Variants in C2CD2 observed in about 807,000 individuals in gnomAD.
C2CD2 encodes C2 domain-containing protein 2.
C2CD2 carries 43 observed loss-of-function variants against 74.3 expected under a neutral mutation model. The ratio of observed to expected loss-of-function variants is 0.58; its 90% CI spans 0.45 to 0.75. The LOEUF is 0.75. Ranked by LOEUF, C2CD2 falls within the 30% of genes least tolerant of loss-of-function variation. The pLI is 0.00. For missense variants in C2CD2, 801 were observed against 916.3 expected (o/e 0.87, Z 1.63); for synonymous variants, 422 against 390.7 (o/e 1.08, Z -0.94).
Position 41,899,650 on chromosome 21 carries a change from G to C in C2CD2, c.1561-288C>G, listed in dbSNP as rs1412584941. ...CTCACAGATGGGCCTAGCGGTGGGA[G>C]CGTTTGTGGCAAGCTGCAGAAATGA... is the stretch of plus-strand genomic sequence containing the variant. On this transcript the variant is annotated intron_variant, in intron 12 of 13. Transcript: ENST00000380486. The surrounding 1 kb of genome is among the most constrained non-coding windows in gnomAD (Gnocchi z 4.4). Among the ~76,000 whole-genome samples the C allele has an allele frequency of 6.6e-6, 1 of 152,230 alleles. No individual in the cohort carries two copies.
rs557355033 is a variant in C2CD2, at chr21:41,929,938, G to A, written c.379-7853C>T. 1.0e-3 allele frequency among the ~76,000 whole-genome samples: 158 copies of A among 152,328 alleles called. 2 individuals carry two copies. Among genetic ancestry groups the A allele is most frequent in the African/African-American group, 3.6e-3 (149 of 41,564 alleles). On this transcript the variant is annotated intron_variant, in intron 2 of 13. Transcript: ENST00000380486. This position sits in a 1 kb window ranked among gnomAD's most constrained non-coding sequence, Gnocchi z 4.6. Reference sequence around the variant, plus strand: ...GGAAGAACAGGCTTCTGCCTTAAGGGTACCCCTTTGCTTTTGGGGCAGAAA... The same window carrying A: ...GGAAGAACAGGCTTCTGCCTTAAGGATACCCCTTTGCTTTTGGGGCAGAAA...
intron 8 of C2CD2, 143 bp from the exon 9 acceptor site, chr21:41,907,927 T>C (rs2064983611): frequency 1.1e-5 from 9 of 818,248 alleles, no homozygotes; most frequent in South Asian, 3.0e-5. Context: ...TTCAGAATGT[T>C]TGAAAAATGT....
In C2CD2 at chr21:41,926,501, C is replaced by T. The variant is rs1031181948; in HGVS notation, c.379-4416G>A. On this transcript the variant is annotated intron_variant, in intron 2 of 13. Coordinates refer to ENST00000380486, the MANE Select transcript of C2CD2 (RefSeq NM_015500.2). This position sits in a 1 kb window ranked among gnomAD's most constrained non-coding sequence, Gnocchi z 8.0. The stretch of plus-strand genomic sequence containing the variant: ...ACTGAAGGCTGAAGAGCAGGCTGAG[C>T]GGGGAGGCCTTCATTCACCTTCTCG... The T allele has an allele frequency of 5.4e-5, 37 of 690,852 alleles. No homozygotes were observed. The highest frequency in any genetic ancestry group is 1.3e-4 in the East Asian group (1 of 7,482). The allele number at this position is 690,852 out of a possible 1,614,324, so 42.8% of individuals were successfully genotyped here.
chr21:41,944,758 C>T (rs73221446), intron 1 of C2CD2, among the ~76,000 whole-genome samples: 4,289 of 152,182 alleles, frequency 0.028, 64 homozygotes, highest in Middle Eastern at 0.051. Context: ...CCAGACCCCA[C>T]TCCACTTAGA....
At chr21:41,891,321 G>A (rs1040086816) in intron 13 of C2CD2, among the ~76,000 whole-genome samples, 5 of 152,184 alleles carry the variant, frequency 3.3e-5, no homozygotes, top group African/African-American at 9.7e-5. Context: ...AGTGAGTCAC[G>A]TCCCTGAAAA....
Position 41,926,375 on chromosome 21 carries a change from C to T in C2CD2, c.379-4290G>A. 1 of 963,184 alleles carries T rather than the reference C, an allele frequency of 1.0e-6. No homozygotes were observed. Among genetic ancestry groups the T allele is most frequent in the Non-Finnish European group, 1.2e-6 (1 of 809,796 alleles). The allele number at this position is 963,184 out of a possible 1,614,324, so 59.7% of individuals were successfully genotyped here. ...GCTATTCACGGTAAGTCAGGGTCTC[C>T]ACATGGAAAGGCCAAGGGGGGACTC... On this transcript the variant is annotated intron_variant, in intron 2 of 13. Transcript: ENST00000380486. The surrounding 1 kb of genome is among the most constrained non-coding windows in gnomAD (Gnocchi z 8.0).
At chr21:41,897,608 G>A (rs1183003489) in intron 13 of C2CD2, among the ~76,000 whole-genome samples, 1 of 152,154 alleles carries the variant, frequency 6.6e-6, no homozygotes, top group Non-Finnish European at 1.5e-5. Flanking sequence ...AGAGTCCAAC[G>A]GGTCTGAAAT....
At chr21:41,943,541 G>C (rs1769700258) in intron 1 of C2CD2, among the ~76,000 whole-genome samples, 1 of 152,056 alleles carries the variant, frequency 6.6e-6, no homozygotes, top group African/African-American at 2.4e-5. Context: ...GCTCCGACTG[G>C]GTGGTTAAAA....
rs1159358221 is a variant in C2CD2, at chr21:41,924,734, T to C, written c.379-2649A>G. Among the ~76,000 whole-genome samples, 1 of 152,160 alleles carries C rather than the reference T, an allele frequency of 6.6e-6. No homozygotes were observed. Among genetic ancestry groups the C allele is most frequent in the Non-Finnish European group, 1.5e-5 (1 of 68,028 alleles). On this transcript the variant is annotated intron_variant, in intron 2 of 13. Coordinates refer to ENST00000380486, the MANE Select transcript of C2CD2 (RefSeq NM_015500.2). The surrounding 1 kb of genome is among the most constrained non-coding windows in gnomAD (Gnocchi z 4.4). ...AAAAATAAATTTAAAAACCCAACCC[T>C]GACTCTGAGCACTGCATAATTCCTC...
rs752813917 is a variant in C2CD2, at chr21:41,887,707, C to T, written c.*1417G>A. On this transcript the variant is annotated 3_prime_UTR_variant, in exon 14 of 14. Coordinates refer to ENST00000380486, the MANE Select transcript of C2CD2 (RefSeq NM_015500.2). The stretch of plus-strand genomic sequence containing the variant: ...TACTCACCAGTGGCTCTATTACCCC[C>T]GAAATATTTAATGTTTAAGGATTAA... 22 of 152,226 alleles carry T rather than the reference C, an allele frequency of 1.4e-4. No homozygotes were observed. Among genetic ancestry groups the T allele is most frequent in the South Asian group, 4.2e-4 (2 of 4,818 alleles). 9.4% of individuals were successfully genotyped at this position (152,226 alleles called of 1,614,324 possible).
chr21:41,953,461 A>G lies in C2CD2; in HGVS notation c.188T>C (p.Leu63Pro). The stretch of plus-strand genomic sequence containing the variant: ...GCCCAGCGTCAGGATCCAGGAGAGC[A>G]GCGCGTCGGACCCCGGGCGCGGCCC... Reference protein sequence around the residue: ...GEGPRPGSDALLSWILTLGSW... With the variant: ...GEGPRPGSDAPLSWILTLGSW... The change falls in exon 1 of 14, where the codon CTG becomes CCG. Residue 63 changes from leucine (L) to proline (P), a missense_variant. Transcript: ENST00000380486. The G allele has an allele frequency of 6.7e-7, 1 of 1,488,456 alleles. No homozygotes were observed. The allele number at this position is 1,488,456 out of a possible 1,614,324, so 92.2% of individuals were successfully genotyped here. A position where few individuals can be genotyped will look rare whatever the true frequency, so the allele number is the denominator to read the frequency against.
chr21:41,891,813 T>C (rs1475189008), intron 13 of C2CD2, among the ~76,000 whole-genome samples: 1 of 151,712 alleles, frequency 6.6e-6, no homozygotes, highest in East Asian at 1.9e-4. Flanking sequence ...ACCCACCCCC[T>C]GGGGTCAACC....
At chr21:41,917,978 AC>A in intron 5 of C2CD2, 126 bp downstream of exon 5, 1 of 1,057,462 alleles carries the variant, frequency 9.5e-7, no homozygotes, top group South Asian at 1.5e-5. Context: ...TCCAGCAAGC[AC>A]CCGAGCCATC....
chr21:41,899,224 G>A lies in C2CD2; in HGVS notation c.1699C>T (p.Gln567Ter). 2 of 1,612,438 alleles carry A rather than the reference G, an allele frequency of 1.2e-6. No individual in the cohort carries two copies. Among genetic ancestry groups the A allele is most frequent in the Non-Finnish European group, 1.7e-6 (2 of 1,179,594 alleles). Residue 567 changes from glutamine to a stop codon, truncating the protein, a stop_gained, in exon 13 of 14, where the codon CAG becomes TAG. Coordinates refer to ENST00000380486, the MANE Select transcript of C2CD2 (RefSeq NM_015500.2). LOFTEE classifies it high-confidence loss of function. The surrounding 1 kb of genome is among the most constrained non-coding windows in gnomAD (Gnocchi z 4.4). Reference sequence around the variant, plus strand: ...TGGGGCTTGGGGGCAAGGGATGCCTGGGCTGACTCGGCTTCCTCTGGCGGG... The same window carrying A: ...TGGGGCTTGGGGGCAAGGGATGCCTAGGCTGACTCGGCTTCCTCTGGCGGG... ...SAPPEEAESA[Q>*]ASLAPKPQED...
At chr21:41,920,958 T>C (rs2065148483) in intron 3 of C2CD2, among the ~76,000 whole-genome samples, 2 of 152,196 alleles carry the variant, frequency 1.3e-5, no homozygotes, top group Non-Finnish European at 2.9e-5. Context: ...CTGGGGGATG[T>C]AGGAGAGCAT....
intron 2 of C2CD2, among the ~76,000 whole-genome samples, chr21:41,922,429 T>G (rs138033827): frequency 6.6e-6 from 1 of 151,572 alleles, no homozygotes; most frequent in South Asian, 2.1e-4. Context: ...CCTCCCAAAG[T>G]GCTGGGATTG....
At chr21:41,901,420 T>A in intron 12 of C2CD2, 1 of 631,830 alleles carries the variant, frequency 1.6e-6, no homozygotes, top group Non-Finnish European at 2.9e-6. Context: ...AAGTCTCCCA[T>A]GTCCTTGGTG....
chr21:41,894,706 C>T (rs1187067309), intron 13 of C2CD2: 4 of 456,728 alleles, frequency 8.8e-6, no homozygotes, highest in Admixed American at 2.3e-5. Flanking sequence ...TCCAGCCATG[C>T]GGACAGAGGC....
At chr21:41,891,606 T>G (rs2064754893) in intron 13 of C2CD2, among the ~76,000 whole-genome samples, 1 of 152,126 alleles carries the variant, frequency 6.6e-6, no homozygotes, top group Admixed American at 6.5e-5. Flanking sequence ...CAGTGGTGTT[T>G]CTGATCTATA....
Sources: allele counts gnomAD v4.1 joint callset (sites outside exome capture counted in the v4.1 genomes callset), GRCh38; gene constraint gnomAD v4.1.1; non-coding constraint Gnocchi (gnomAD v3.1); transcripts MANE v1.5; gene names NCBI Gene and HGNC (gene_info 2026-07-23, HGNC 2026-07-21).